The following CNTNAP2 variants were observed in gnomAD, a reference collection of about 807,000 sequenced individuals.
CNTNAP2 encodes the protein contactin associated protein 2.
In CNTNAP2, 98 loss-of-function variants were observed where a neutral mutation model predicts 155.2. That is an observed-to-expected ratio of 0.63 (90% CI 0.54 to 0.75). The LOEUF is 0.75. Among genes scored for constraint, CNTNAP2 ranks in the 30% least tolerant of loss-of-function variants. The probability of loss-of-function intolerance (pLI) is 0.00; values close to 1 mark genes in which losing one functional copy is unlikely to be tolerated. For missense variants in CNTNAP2, 1,727 were observed against 1,688.1 expected (o/e 1.02, Z -0.40); for synonymous variants, 651 against 631.2 (o/e 1.03, Z -0.47).
chr7:147,690,573 ATAAT>A (rs976197119), intron 13 of CNTNAP2, among the ~76,000 whole-genome samples: 7 of 152,138 alleles, frequency 4.6e-5, no homozygotes, highest in African/African-American at 7.2e-5. Context: ...AATTACACAA[ATAAT>A]TAATCTTAAT....
intron 3 of CNTNAP2, among the ~76,000 whole-genome samples, chr7:147,015,101 T>C (rs1798696017): frequency 6.6e-6 from 1 of 152,056 alleles, no homozygotes; most frequent in Admixed American, 6.6e-5. Context: ...TTTTTTTTTT[T>C]TTCTTTTTTC....
chr7:146,871,805 T>A (rs112796088), intron 3 of CNTNAP2, among the ~76,000 whole-genome samples: 10 of 152,080 alleles, frequency 6.6e-5, no homozygotes, highest in African/African-American at 2.2e-4. Context: ...TGTCTTTACA[T>A]TGAGAAACTA....
At chr7:148,381,098 G>A (rs191254689) in intron 21 of CNTNAP2, among the ~76,000 whole-genome samples, 54 of 152,382 alleles carry the variant, frequency 3.5e-4, no homozygotes, top group African/African-American at 7.0e-4. Flanking sequence ...GCTTTTGAGC[G>A]CCAACAGGAG....
At chr7:147,855,708 T>C (rs1799024361) in intron 13 of CNTNAP2, among the ~76,000 whole-genome samples, 1 of 152,172 alleles carries the variant, frequency 6.6e-6, no homozygotes, top group Non-Finnish European at 1.5e-5. Flanking sequence ...ATTTTCCTAT[T>C]GCAACATAAT....
intron 3 of CNTNAP2, among the ~76,000 whole-genome samples, chr7:147,034,438 C>T (rs1473893016): frequency 3.3e-5 from 5 of 152,026 alleles, no homozygotes; most frequent in African/African-American, 4.8e-5. Context: ...AACCCCATGG[C>T]GGTGTCTAGG....
intron 1 of CNTNAP2, among the ~76,000 whole-genome samples, chr7:146,147,672 G>A (rs891629257): frequency 8.5e-5 from 13 of 152,080 alleles, no homozygotes; most frequent in African/African-American, 3.1e-4. Flanking sequence ...GACTCTCAGT[G>A]ACTCTAAGGA....
rs181232262 is a variant in CNTNAP2, at chr7:147,134,919, T to G, written c.1348+2410T>G. On this transcript the variant is annotated intron_variant, in intron 8 of 23. Coordinates refer to ENST00000361727, the MANE Select transcript of CNTNAP2 (RefSeq NM_014141.6). ...ATGCAGAAAATCTAGAAAAGAAAAA[T>G]AACCAGTGATAAAATTTTGGTGTAC... Among the ~76,000 whole-genome samples, 29 of 151,902 alleles carry G rather than the reference T, an allele frequency of 1.9e-4. 1 individual carries two copies. Among genetic ancestry groups the G allele is most frequent in the African/African-American group, 6.5e-4 (27 of 41,522 alleles).
At chr7:147,668,774 T>G (rs1427360012) in intron 13 of CNTNAP2, among the ~76,000 whole-genome samples, 1 of 151,464 alleles carries the variant, frequency 6.6e-6, no homozygotes, top group Non-Finnish European at 1.5e-5. Flanking sequence ...TAAGCTAAGG[T>G]TAATTATCAA....
chr7:147,399,704 G>A (rs939141327), intron 10 of CNTNAP2, among the ~76,000 whole-genome samples: 1 of 152,284 alleles, frequency 6.6e-6, no homozygotes, highest in Non-Finnish European at 1.5e-5. Context: ...TTGGATATAT[G>A]TATGTAACAA....
chr7:146,283,837 C>A (rs1404640806), intron 1 of CNTNAP2, among the ~76,000 whole-genome samples: 1 of 152,074 alleles, frequency 6.6e-6, no homozygotes, highest in Non-Finnish European at 1.5e-5. Flanking sequence ...GTTGACTACA[C>A]ACCTATTGTA....
Position 148,147,519 on chromosome 7 carries a change from TGTGG to T in CNTNAP2, c.2585_2588del (p.Val862GlufsTer5). On this transcript the variant is annotated frameshift_variant, in exon 17 of 24. Coordinates refer to ENST00000361727, the MANE Select transcript of CNTNAP2 (RefSeq NM_014141.6). LOFTEE classifies it high-confidence loss of function. Reference sequence around the variant, plus strand: ...CCACAGAAGTGTCCTTTTCATTTGATGTGGGAAATGGGCCAGTAGAGATTGTAGT... The same window carrying T: ...CCACAGAAGTGTCCTTTTCATTTGATGAAATGGGCCAGTAGAGATTGTAGT... The T allele has an allele frequency of 6.2e-7, 1 of 1,614,138 alleles. No homozygotes were observed. The highest frequency in any genetic ancestry group is 8.5e-7 in the Non-Finnish European group (1 of 1,180,030).
chr7:147,735,959 G>A (rs1056480838), intron 13 of CNTNAP2, among the ~76,000 whole-genome samples: 2 of 148,842 alleles, frequency 1.3e-5, no homozygotes, highest in Non-Finnish European at 3.0e-5. Flanking sequence ...ACACTGATGG[G>A]TCTTGACTCT....
At chr7:147,447,564 G>A (rs1032152945) in intron 10 of CNTNAP2, among the ~76,000 whole-genome samples, 3 of 151,880 alleles carry the variant, frequency 2.0e-5, no homozygotes, top group Admixed American at 6.6e-5. Context: ...CTACAGGCGC[G>A]CGCCACCAAG....
intron 1 of CNTNAP2, among the ~76,000 whole-genome samples, chr7:146,688,210 T>A (rs2129171101): frequency 6.6e-6 from 1 of 152,264 alleles, no homozygotes; most frequent in Non-Finnish European, 1.5e-5. Context: ...ATTGTTAATT[T>A]CTGTACTATT....
At chr7:147,097,851 G>A (rs1244453630) in intron 4 of CNTNAP2, among the ~76,000 whole-genome samples, 1 of 152,182 alleles carries the variant, frequency 6.6e-6, no homozygotes, top group Non-Finnish European at 1.5e-5. Context: ...TTGACATTTT[G>A]TTTTTGTTTT....
chr7:146,230,178 C>T (rs1270609952), intron 1 of CNTNAP2, among the ~76,000 whole-genome samples: 6 of 152,088 alleles, frequency 3.9e-5, no homozygotes, highest in Admixed American at 3.3e-4. Flanking sequence ...ACAAAAAATG[C>T]CCTAACTATA....
At chr7:147,867,045 G>A (rs777168384) in intron 13 of CNTNAP2, among the ~76,000 whole-genome samples, 20 of 152,110 alleles carry the variant, frequency 1.3e-4, no homozygotes, top group South Asian at 2.1e-4. Context: ...TCACAGCATC[G>A]ATGGTCTTTA....
At chr7:146,616,899 A>G (rs2129155245) in intron 1 of CNTNAP2, among the ~76,000 whole-genome samples, 1 of 152,332 alleles carries the variant, frequency 6.6e-6, no homozygotes, top group East Asian at 1.9e-4. Flanking sequence ...TTTATTCCAT[A>G]GAAAAAAAAC....
chr7:146,656,870 T>G (rs751674911), intron 1 of CNTNAP2, among the ~76,000 whole-genome samples: 1 of 152,198 alleles, frequency 6.6e-6, no homozygotes, highest in South Asian at 2.1e-4. Flanking sequence ...TATGGCTTAT[T>G]ATGTCAATCT....
Sources: gnomAD v4.1 joint callset for allele counts (sites outside exome capture counted in the v4.1 genomes callset) on GRCh38, gnomAD v4.1.1 for gene constraint, MANE v1.5 for transcripts, NCBI Gene and HGNC (gene_info 2026-07-23, HGNC 2026-07-21) for gene names.